TLL2: variants seen among roughly 807,000 people sequenced by gnomAD.
The protein encoded by TLL2 is tolloid like 2, also known as tolloid-like protein 2.
A neutral mutation model predicts 123.0 loss-of-function variants in TLL2; 106 were observed. The ratio of observed to expected loss-of-function variants is 0.86; its 90% CI spans 0.74 to 1.01. The LOEUF (loss-of-function observed/expected upper bound fraction) is 1.01. TLL2 is among the 50% of genes least tolerant of loss of function. The pLI, the probability that TLL2 is intolerant of heterozygous loss-of-function variation, is 0.00. For synonymous variants in TLL2, 494 were observed against 516.8 expected, an observed-to-expected ratio of 0.96 and a Z score of 0.60; for missense variants, 1,332 against 1,336.7, an observed-to-expected ratio of 1.00 and a Z score of 0.06.
intron 10 of TLL2, 44 bp from the exon 11 acceptor site, chr10:96,397,346 A>G: frequency 6.6e-7 from 1 of 1,511,752 alleles, no homozygotes; most frequent in Non-Finnish European, 9.1e-7. Flanking sequence ...TGGGGACAGC[A>G]AGAAGGCACT....
chr10:96,400,930 C>A (rs1283745551), intron 10 of TLL2, among the ~76,000 whole-genome samples: 1 of 152,166 alleles, frequency 6.6e-6, no homozygotes, highest in African/African-American at 2.4e-5. Flanking sequence ...ATATCTTTAA[C>A]CAGCCATGAA....
chr10:96,421,425 A>AGG (rs2134075464), intron 6 of TLL2, among the ~76,000 whole-genome samples: 1 of 152,362 alleles, frequency 6.6e-6, no homozygotes, highest in African/African-American at 2.4e-5. Context: ...GCACTTTGGG[A>AGG]GGCCAAGGCG....
intron 9 of TLL2, among the ~76,000 whole-genome samples, chr10:96,409,368 T>C (rs1175917683): frequency 2.6e-5 from 4 of 152,198 alleles, no homozygotes; most frequent in Non-Finnish European, 2.9e-5. Context: ...TATAGAGAGC[T>C]CTGGGGACAC....
intron 4 of TLL2, among the ~76,000 whole-genome samples, chr10:96,432,527 T>C (rs1846754685): frequency 6.6e-6 from 1 of 152,200 alleles, no homozygotes; most frequent in South Asian, 2.1e-4. Flanking sequence ...ACAGTCATCA[T>C]GCAAACCCCA....
At chr10:96,386,808 T>C (rs1026716571) in intron 14 of TLL2, 145 bp downstream of exon 14, 7 of 1,219,232 alleles carry the variant, frequency 5.7e-6, no homozygotes, top group Admixed American at 3.7e-5. Flanking sequence ...TGTTTCTCCT[T>C]CTAGGAAGTA....
chr10:96,390,162 G>A (rs889308597), intron 13 of TLL2, among the ~76,000 whole-genome samples: 11 of 152,264 alleles, frequency 7.2e-5, no homozygotes, highest in East Asian at 5.8e-4. Context: ...TGGAATTAGC[G>A]AAAGAAGGAA....
intron 20 of TLL2, among the ~76,000 whole-genome samples, chr10:96,368,568 C>T (rs1007841106): frequency 1.3e-5 from 2 of 152,184 alleles, no homozygotes; most frequent in Non-Finnish European, 2.9e-5. Flanking sequence ...TTTTTCACTT[C>T]AGGAAACTGA....
At chr10:96,512,934 C>T (rs992586300) in intron 1 of TLL2, among the ~76,000 whole-genome samples, 2 of 152,252 alleles carry the variant, frequency 1.3e-5, no homozygotes, top group African/African-American at 4.8e-5. Context: ...CCAGAGCGAC[C>T]CTCAGGCCGG....
intron 19 of TLL2, 83 bp from the exon 20 acceptor site, chr10:96,370,398 G>C (rs1006576146): frequency 1.4e-6 from 2 of 1,471,918 alleles, no homozygotes; most frequent in African/African-American, 1.4e-5. Context: ...TTTCTCTACA[G>C]AGCCTGGTGC....
At chr10:96,490,019 C>T (rs1426915637) in intron 1 of TLL2, among the ~76,000 whole-genome samples, 1 of 151,586 alleles carries the variant, frequency 6.6e-6, no homozygotes, top group African/African-American at 2.4e-5. Flanking sequence ...TCACTTGAAC[C>T]CAGGAGGTGG....
intron 2 of TLL2, among the ~76,000 whole-genome samples, chr10:96,468,997 A>G (rs1470186256): frequency 6.6e-6 from 1 of 152,236 alleles, no homozygotes; most frequent in African/African-American, 2.4e-5. Flanking sequence ...ACGTTATCAG[A>G]TGCCTCCTTA....
chr10:96,425,115 T>G (rs1434010053), intron 5 of TLL2, among the ~76,000 whole-genome samples: 2 of 152,012 alleles, frequency 1.3e-5, no homozygotes, highest in African/African-American at 4.8e-5. Flanking sequence ...AATTTGTGTA[T>G]AGGTATATTC....
intron 2 of TLL2, among the ~76,000 whole-genome samples, chr10:96,467,670 GT>G (rs1313055793): frequency 1.3e-5 from 2 of 152,130 alleles, no homozygotes; most frequent in African/African-American, 4.8e-5. Context: ...CTTTAGTAGG[GT>G]TTATTTCATT....
intron 8 of TLL2, among the ~76,000 whole-genome samples, chr10:96,412,336 T>C (rs1165501621): frequency 1.3e-5 from 2 of 152,126 alleles, no homozygotes; most frequent in Non-Finnish European, 2.9e-5. Context: ...CTGTGTCTGG[T>C]TTGGAAGTCT....
intron 18 of TLL2, among the ~76,000 whole-genome samples, chr10:96,375,990 A>C (rs1035975894): frequency 6.6e-6 from 1 of 152,240 alleles, no homozygotes; most frequent in African/African-American, 2.4e-5. Context: ...GACTCCTAGG[A>C]GATTCAACTC....
intron 7 of TLL2, among the ~76,000 whole-genome samples, chr10:96,419,883 G>T (rs1846602080): frequency 1.3e-5 from 2 of 152,176 alleles, no homozygotes; most frequent in South Asian, 4.1e-4. Context: ...TCATGGAATG[G>T]ATTATTTCCC....
intron 9 of TLL2, among the ~76,000 whole-genome samples, chr10:96,406,275 C>G (rs867297809): frequency 1.3e-5 from 2 of 152,246 alleles, no homozygotes; most frequent in South Asian, 2.1e-4. Context: ...TTCACCCCCA[C>G]GCAAGTTCCA....
At chr10:96,450,790 G>A (rs1174025920) in intron 2 of TLL2, among the ~76,000 whole-genome samples, 1 of 152,158 alleles carries the variant, frequency 6.6e-6, no homozygotes, top group Non-Finnish European at 1.5e-5. Context: ...AGGGCTGGGA[G>A]GGGAGAGTTT....
At chr10:96,450,197 G>A (rs1846943561) in intron 2 of TLL2, among the ~76,000 whole-genome samples, 1 of 151,814 alleles carries the variant, frequency 6.6e-6, no homozygotes, top group South Asian at 2.1e-4. Flanking sequence ...ATGGATGGAT[G>A]GATGGACATA....
Sources: gnomAD v4.1 joint callset for allele counts (sites outside exome capture counted in the v4.1 genomes callset) on GRCh38, gnomAD v4.1.1 for gene constraint, MANE v1.5 for transcripts, NCBI Gene and HGNC (gene_info 2026-07-23, HGNC 2026-07-21) for gene names.